Variants in HNRNPM observed in about 807,000 individuals in gnomAD.
HNRNPM encodes the protein heterogeneous nuclear ribonucleoprotein M.
HNRNPM carries 11 observed loss-of-function variants against 73.1 expected under a neutral mutation model. The ratio of observed to expected loss-of-function variants is 0.15; its 90% CI spans 0.09 to 0.25. The LOEUF is 0.25. Ranked by LOEUF, HNRNPM falls within the 10% of genes least tolerant of loss-of-function variation. The pLI is 1.00. For missense variants in HNRNPM, 789 were observed against 1,067.9 expected (o/e 0.74, Z 3.64); for synonymous variants, 407 against 355.2 (o/e 1.15, Z -1.64).
rs928113818 is a variant in HNRNPM at position 8,474,022 on chromosome 19, A to T, written c.1043-145A>T. 6 of 623,876 alleles carry T rather than the reference A, an allele frequency of 9.6e-6. No homozygotes were observed. The African/African-American group carries it at 1.1e-4, about 12-fold the overall frequency. The allele number at this position is 623,876 out of a possible 1,614,324, so 38.6% of individuals were successfully genotyped here. On this transcript the variant is annotated intron_variant, in intron 11 of 15. Transcript: ENST00000325495. ...GTGATTTTTAAACAAGGGTGCTAGC[A>T]TTTTTTTTGTTTTTCAAAAGCCTTT...
chr19:8,476,338 T>C (rs896114453), intron 12 of HNRNPM, among the ~76,000 whole-genome samples: 2 of 152,124 alleles, frequency 1.3e-5, no homozygotes, highest in African/African-American at 4.8e-5. Flanking sequence ...GGAGGAAGAA[T>C]TGAAGCAGAC....
chr19:8,468,546 C>G (rs943245034), intron 8 of HNRNPM, among the ~76,000 whole-genome samples: 1 of 152,160 alleles, frequency 6.6e-6, no homozygotes, highest in Admixed American at 6.5e-5. Context: ...CCTACTTGGA[C>G]TTCTTGCCCA....
rs750158330 is a variant in HNRNPM, at chr19:8,486,294, C to T, written c.1866C>T (p.Ala622=). 6 of 1,600,808 alleles carry T rather than the reference C, an allele frequency of 3.7e-6. No individual in the cohort carries two copies. The highest frequency in any genetic ancestry group is 5.1e-6 in the Non-Finnish European group (6 of 1,179,894). Residue 622 remains alanine, a synonymous_variant, in exon 14 of 16, where the codon GCC becomes GCT. Transcript: ENST00000325495. ...GGGGGASFDR[A]IEMERGNFGG... is the part of the protein sequence containing the mutation. Reference sequence around the variant, plus strand: ...GTGGCGGTGCCAGCTTTGACCGTGCCATCGAGATGGAGCGTGGCAACTTCG... The same window carrying T: ...GTGGCGGTGCCAGCTTTGACCGTGCTATCGAGATGGAGCGTGGCAACTTCG...
chr19:8,468,892 A>G lies in HNRNPM; in HGVS notation c.895+58A>G, dbSNP rs909098752. 18 of 1,333,742 alleles carry G rather than the reference A, an allele frequency of 1.3e-5. No homozygotes were observed. The African/African-American group carries it at 2.4e-4, about 18-fold the overall frequency. 82.6% of individuals were successfully genotyped at this position (1,333,742 alleles called of 1,614,324 possible). A position where few individuals can be genotyped will look rare whatever the true frequency, so the allele number is the denominator to read the frequency against. On this transcript the variant is annotated intron_variant, in intron 9 of 15. Transcript: ENST00000325495. ...GAATTGGAGTTACACTAATAAACAGAAAATTACCATATGGTTTCACTTGAA... is the reference window on the plus strand; with the variant it reads ...GAATTGGAGTTACACTAATAAACAGGAAATTACCATATGGTTTCACTTGAA...
At chr19:8,461,740 G>A (rs986253446) in intron 2 of HNRNPM, among the ~76,000 whole-genome samples, 2 of 138,646 alleles carry the variant, frequency 1.4e-5, no homozygotes, top group Admixed American at 1.5e-4. Context: ...CCTTTAAATG[G>A]GGAGGTTTAG....
At chr19:8,484,173 C>CT (rs33931165) in intron 13 of HNRNPM, among the ~76,000 whole-genome samples, 2,782 of 110,136 alleles carry the variant, frequency 0.025, 122 homozygotes, top group African/African-American at 0.077. Context: ...CCTCCCATTT[C>CT]TTTTTTTTTT....
intron 5 of HNRNPM, chr19:8,463,972 G>A (rs913559372): frequency 9.3e-6 from 3 of 322,782 alleles, no homozygotes; most frequent in African/African-American, 6.3e-5. Flanking sequence ...CCGTGGGTTT[G>A]TGCCATTAAG....
In HNRNPM at chr19:8,468,819, C is replaced by G; in HGVS notation, c.880C>G (p.Pro294Ala). 1 of 1,613,280 alleles carries G rather than the reference C, an allele frequency of 6.2e-7. No individual in the cohort carries two copies. Among genetic ancestry groups the G allele is most frequent in the Non-Finnish European group, 8.5e-7 (1 of 1,179,264 alleles). The part of the protein sequence containing the change: ...PKGDFFPPER[P>A]QQLPHGLGGI... ...AGGAGATTTCTTCCCTCCTGAGCGT[C>G]CACAACAACTTCCCCGTAAGTGTTT... Residue 294 changes from proline to alanine, a missense_variant, in exon 9 of 16, where the codon CCA becomes GCA. Physicochemically the swap from Pro to Ala is conservative, Grantham distance 27. Coordinates refer to ENST00000325495, the MANE Select transcript of HNRNPM (RefSeq NM_005968.5).
chr19:8,461,539 TTGGTGGTTGTCTTGA>T (rs1969397101), intron 2 of HNRNPM, among the ~76,000 whole-genome samples: 1 of 152,230 alleles, frequency 6.6e-6, no homozygotes, highest in African/African-American at 2.4e-5. Context: ...AGCAGCCATT[TTGGTGGTTGTCTTGA>T]TGGATTCTAA....
intron 2 of HNRNPM, among the ~76,000 whole-genome samples, chr19:8,459,028 A>G (rs1969214240): frequency 6.6e-6 from 1 of 152,076 alleles, no homozygotes; most frequent in Non-Finnish European, 1.5e-5. Context: ...CCTGGGTTCA[A>G]GTGATTCTCT....
At chr19:8,445,656 C>G (rs879670605) in intron 1 of HNRNPM, 1 of 152,370 alleles carries the variant, frequency 6.6e-6, no homozygotes, top group Non-Finnish European at 1.5e-5. Context: ...TCCTGCCCCG[C>G]CCCTTAGTCC....
chr19:8,460,544 C>T (rs1039607144), intron 2 of HNRNPM, among the ~76,000 whole-genome samples: 1 of 152,180 alleles, frequency 6.6e-6, no homozygotes, highest in African/African-American at 2.4e-5. Context: ...CTAGACTAGA[C>T]TGTTACGTGG....
At chr19:8,470,695 G>T (rs1430240514) in intron 9 of HNRNPM, among the ~76,000 whole-genome samples, 28 of 152,180 alleles carry the variant, frequency 1.8e-4, no homozygotes, top group Non-Finnish European at 1.5e-5. Context: ...CCCAGATATT[G>T]CAAGTGTCAG....
intron 1 of HNRNPM, chr19:8,445,457 G>A (rs1244298129): frequency 1.5e-5 from 3 of 205,710 alleles, no homozygotes; most frequent in Non-Finnish European, 2.9e-5. Flanking sequence ...TCCCCGGGAG[G>A]GTGACCTCGG....
At chr19:8,474,021 C>A in intron 11 of HNRNPM, 146 bp from the exon 12 acceptor site, 1 of 618,318 alleles carries the variant, frequency 1.6e-6, no homozygotes, top group Non-Finnish European at 2.8e-6. Context: ...AGGGTGCTAG[C>A]ATTTTTTTTG....
At chr19:8,479,362 A>G (rs1970743444) in intron 12 of HNRNPM, among the ~76,000 whole-genome samples, 1 of 151,984 alleles carries the variant, frequency 6.6e-6, no homozygotes, top group Non-Finnish European at 1.5e-5. Context: ...TACAGGTGTG[A>G]GCCATCACGC....
rs140407642 is a variant in HNRNPM, at chr19:8,473,704, G to A, written c.1038G>A (p.Met346Ile). The change falls in exon 11 of 16, where the codon ATG becomes ATA. Residue 346 changes from methionine to isoleucine, a missense_variant. By Grantham distance (10) the Met-to-Ile change is conservative. This residue lies in a region of HNRNPM where 604 missense variants were observed against 744.0 expected (regional missense o/e 0.81). Coordinates refer to ENST00000325495, the MANE Select transcript of HNRNPM (RefSeq NM_005968.5). ...MEGIGFGINKMGGMEGPFGGG... is the reference protein window; with the variant it reads ...MEGIGFGINKIGGMEGPFGGG... Reference sequence around the variant, plus strand: ...GCATAGGATTTGGAATAAATAAAATGGGAGGTAAGAAATTTAAAATGAAGT... The same window carrying A: ...GCATAGGATTTGGAATAAATAAAATAGGAGGTAAGAAATTTAAAATGAAGT... The A allele has an allele frequency of 2.8e-5, 44 of 1,556,480 alleles. No homozygotes were observed. The African/African-American group carries it at 5.3e-4, about 19-fold the overall frequency.
In HNRNPM at chr19:8,466,264, G is replaced by A. The variant is rs1480288806; in HGVS notation, c.660G>A (p.Leu220=). The stretch of plus-strand genomic sequence containing the variant: ...ATTATAAAGTTGGCTGGAAGAAACT[G>A]AAGGAAGTATTTAGTATGGCTGGTG... ...NLDYKVGWKK[L]KEVFSMAGVV... is the part of the protein sequence containing the mutation. Residue 220 remains leucine, a synonymous_variant, in exon 7 of 16, where the codon CTG becomes CTA. Coordinates refer to ENST00000325495, the MANE Select transcript of HNRNPM (RefSeq NM_005968.5). 6.2e-7 allele frequency: 1 copy of A among 1,613,800 alleles called. No homozygotes were observed. Among genetic ancestry groups the A allele is most frequent in the East Asian group, 2.2e-5 (1 of 44,870 alleles).
Position 8,488,934 on chromosome 19 carries a change from G to T in HNRNPM, c.*80G>T. 8.1e-7 allele frequency: 1 copy of T among 1,238,288 alleles called. No homozygotes were observed. Among genetic ancestry groups the T allele is most frequent in the Non-Finnish European group, 1.1e-6 (1 of 894,628 alleles). The allele number at this position is 1,238,288 out of a possible 1,614,324, so 76.7% of individuals were successfully genotyped here. Reference sequence around the variant, plus strand: ...GTTAACCATTTTAATTTGTTGGCTGGATGTATAAAGATGTTTAAAAAATTC... The same window carrying T: ...GTTAACCATTTTAATTTGTTGGCTGTATGTATAAAGATGTTTAAAAAATTC... On this transcript the variant is annotated 3_prime_UTR_variant, in exon 16 of 16. Transcript: ENST00000325495.
Sources: gnomAD v4.1 joint callset for allele counts (sites outside exome capture counted in the v4.1 genomes callset) on GRCh38, gnomAD v4.1.1 for gene constraint, gnomAD v4.1.1 regional missense constraint, MANE v1.5 for transcripts, NCBI Gene and HGNC (gene_info 2026-07-23, HGNC 2026-07-21) for gene names.